The following RYR3 variants were observed in gnomAD, a reference collection of about 807,000 sequenced individuals.
RYR3 encodes brain ryanodine receptor-calcium release channel.
Under a neutral mutation model 584.3 loss-of-function variants are expected in RYR3, and 207 were observed. The ratio of observed to expected loss-of-function variants is 0.35; its 90% CI spans 0.32 to 0.40. RYR3 has a LOEUF of 0.40. Ranked by LOEUF, RYR3 falls within the 10% of genes least tolerant of loss-of-function variation. The pLI, the probability that RYR3 is intolerant of heterozygous loss-of-function variation, is 1.00. For synonymous variants in RYR3, 2,416 were observed against 2,248.5 expected (o/e 1.07, Z -2.11); for missense variants, 5,616 against 6,089.2 (o/e 0.92, Z 2.59).
intron 1 of RYR3, among the ~76,000 whole-genome samples, chr15:33,356,742 A>T (rs993694216): frequency 6.6e-6 from 1 of 151,990 alleles, no homozygotes; most frequent in Non-Finnish European, 1.5e-5. Flanking sequence ...TCATCTGTAG[A>T]TTTTTTCTGT....
intron 60 of RYR3, among the ~76,000 whole-genome samples, chr15:33,759,818 A>C (rs1002441129): frequency 6.6e-6 from 1 of 152,186 alleles, no homozygotes; most frequent in African/African-American, 2.4e-5. Flanking sequence ...CTCCTTGAGA[A>C]GAGCAACCCC....
Position 33,696,343 on chromosome 15 carries a change from C to T in RYR3, c.5986C>T (p.Leu1996=). ...GAGGCAGTATGACAGCATTGGGGAG[C>T]TGCTGCAGGCGCTGCGGAAGACCTA... ...LRRQYDSIGE[L]LQALRKTYTI... The change falls in exon 39 of 104, where the codon CTG becomes TTG. Residue 1996 remains leucine (L), a synonymous_variant. Coordinates refer to ENST00000634891, the MANE Select transcript of RYR3 (RefSeq NM_001036.6). 2 of 1,613,568 alleles carry T rather than the reference C, an allele frequency of 1.2e-6. No homozygotes were observed. Among genetic ancestry groups the T allele is most frequent in the Non-Finnish European group, 1.7e-6 (2 of 1,179,806 alleles).
chr15:33,648,812 G>A (rs1002752253), intron 30 of RYR3, among the ~76,000 whole-genome samples: 1 of 152,196 alleles, frequency 6.6e-6, no homozygotes, highest in South Asian at 2.1e-4. Flanking sequence ...GTGTCTTCTG[G>A]GCAAAGGGTG....
At chr15:33,383,348 G>T (rs564147730) in intron 1 of RYR3, among the ~76,000 whole-genome samples, 1 of 149,454 alleles carries the variant, frequency 6.7e-6, no homozygotes, top group Non-Finnish European at 1.5e-5. Context: ...CCAGAAAAAT[G>T]AATGCAGTTT....
At chr15:33,668,149 T>A (rs1338768138) in intron 36 of RYR3, among the ~76,000 whole-genome samples, 1 of 113,532 alleles carries the variant, frequency 8.8e-6, no homozygotes. Flanking sequence ...ATACTGAAAA[T>A]ACAAAAAAAA....
At chr15:33,464,869 C>G (rs1314561279) in intron 1 of RYR3, among the ~76,000 whole-genome samples, 1 of 151,950 alleles carries the variant, frequency 6.6e-6, no homozygotes, top group African/African-American at 2.4e-5. Context: ...AACTTTTTAC[C>G]CTTTGACCAG....
intron 1 of RYR3, among the ~76,000 whole-genome samples, chr15:33,469,743 A>G (rs1018438777): frequency 6.6e-6 from 1 of 152,184 alleles, no homozygotes; most frequent in Admixed American, 6.5e-5. Flanking sequence ...TTGGAGGTAC[A>G]GACTGAGTAA....
At chr15:33,540,941 C>A in intron 7 of RYR3, 51 bp downstream of exon 7, 2 of 1,181,444 alleles carry the variant, frequency 1.7e-6, no homozygotes, top group Non-Finnish European at 2.5e-6. Context: ...CTCTCTTGAG[C>A]TGTATACATT....
intron 4 of RYR3, among the ~76,000 whole-genome samples, chr15:33,530,987 G>C (rs2054818030): frequency 6.6e-6 from 1 of 152,010 alleles, no homozygotes; most frequent in African/African-American, 2.4e-5. Context: ...ATAAATATTT[G>C]TTGAATTGAC....
In RYR3 at chr15:33,604,825, A is replaced by T. The variant is rs2059831555; in HGVS notation, c.2164+1461A>T. Among the ~76,000 whole-genome samples the T allele has an allele frequency of 2.6e-5, 4 of 152,250 alleles. No homozygotes were observed. In the South Asian group the frequency reaches 8.3e-4, roughly 32 times the overall value. ...CATCAGATATCATAAGGTTCACAGGAAACTGTCTCTGAAGAAATGATCTGA... is the reference window on the plus strand; with the variant it reads ...CATCAGATATCATAAGGTTCACAGGTAACTGTCTCTGAAGAAATGATCTGA... On this transcript the variant is annotated intron_variant, in intron 18 of 103. Transcript: ENST00000634891.
intron 1 of RYR3, among the ~76,000 whole-genome samples, chr15:33,426,287 A>T (rs971071499): frequency 1.3e-5 from 2 of 152,022 alleles, no homozygotes; most frequent in African/African-American, 2.4e-5. Context: ...AAAAATGTTA[A>T]TTTTTTTTAA....
intron 60 of RYR3, among the ~76,000 whole-genome samples, chr15:33,758,542 T>A (rs539804194): frequency 5.3e-5 from 8 of 152,258 alleles, no homozygotes; most frequent in African/African-American, 1.9e-4. Flanking sequence ...TCGAACTGGG[T>A]GTGGAACGCA....
intron 48 of RYR3, among the ~76,000 whole-genome samples, chr15:33,734,145 G>A (rs553288620): frequency 1.7e-4 from 26 of 152,230 alleles, no homozygotes; most frequent in African/African-American, 6.0e-4. Context: ...CCTCGACCCA[G>A]GCCCCAAAAA....
rs1245104335 is a variant in RYR3 at position 33,838,787 on chromosome 15, G to C, written c.12807G>C (p.Lys4269Asn). The C allele has an allele frequency of 5.0e-6, 8 of 1,613,890 alleles. No individual in the cohort carries two copies. Among genetic ancestry groups the C allele is most frequent in the Admixed American group, 3.3e-5 (2 of 60,004 alleles). ...GITTELVHFI[K>N]GEKGDTDIMS... is the part of the protein sequence containing the mutation. Reference sequence around the variant, plus strand: ...CCACTGAACTAGTACACTTCATAAAGGGGGAGAAGGGAGATACAGATATCA... The same window carrying C: ...CCACTGAACTAGTACACTTCATAAACGGGGAGAAGGGAGATACAGATATCA... Residue 4269 changes from lysine to asparagine, a missense_variant, in exon 89 of 104, where the codon AAG becomes AAC. Coordinates refer to ENST00000634891, the MANE Select transcript of RYR3 (RefSeq NM_001036.6).
chr15:33,336,701 G>T (rs1971135965), intron 1 of RYR3, among the ~76,000 whole-genome samples: 1 of 151,628 alleles, frequency 6.6e-6, no homozygotes, highest in South Asian at 2.1e-4. Flanking sequence ...GAAAGAAGAA[G>T]CTGTGCAGGG....
intron 36 of RYR3, 131 bp downstream of exon 36, chr15:33,663,868 A>G (rs1260501632): frequency 1.4e-6 from 1 of 721,858 alleles, no homozygotes; most frequent in African/African-American, 1.8e-5. Context: ...ACCCACTGCA[A>G]TACCAGGAGA....
chr15:33,822,246 C>T (rs2077149215), intron 80 of RYR3, among the ~76,000 whole-genome samples: 2 of 152,212 alleles, frequency 1.3e-5, no homozygotes, highest in Admixed American at 1.3e-4. Flanking sequence ...AAGACAGGAA[C>T]ATACCGGTGT....
At chr15:33,634,329 G>A (rs370276895) in intron 24 of RYR3, among the ~76,000 whole-genome samples, 35 of 152,192 alleles carry the variant, frequency 2.3e-4, no homozygotes, top group African/African-American at 7.5e-4. Context: ...GGGATTACAG[G>A]CATGAGCCAC....
At chr15:33,363,679 A>T (rs1389872509) in intron 1 of RYR3, among the ~76,000 whole-genome samples, 18 of 152,178 alleles carry the variant, frequency 1.2e-4, no homozygotes, top group Admixed American at 1.2e-3. Context: ...CAATCATGAG[A>T]TGTTAACATA....
Sources: gnomAD v4.1 joint callset for allele counts (sites outside exome capture counted in the v4.1 genomes callset) on GRCh38, gnomAD v4.1.1 for gene constraint, MANE v1.5 for transcripts, NCBI Gene and HGNC (gene_info 2026-07-23, HGNC 2026-07-21) for gene names.